Variants in CDKL4 observed in about 807,000 individuals in gnomAD.
CDKL4 encodes cyclin dependent kinase like 4.
A neutral mutation model predicts 42.0 loss-of-function variants in CDKL4; 44 were observed. The ratio of observed to expected loss-of-function variants is 1.05; its 90% confidence interval spans 0.82 to 1.35. The LOEUF is 1.35. Ranked by LOEUF, CDKL4 falls within the 40% of genes most tolerant of loss-of-function variation. The probability of loss-of-function intolerance (pLI) is 0.00; values close to 1 mark genes in which losing one functional copy is unlikely to be tolerated. For synonymous variants in CDKL4, 120 were observed against 121.6 expected (o/e 0.99, Z 0.09); for missense variants, 393 against 369.9 (o/e 1.06, Z -0.51).
downstream of CDKL4, among the ~76,000 whole-genome samples, chr2:39,171,979 G>A (rs1484143920): frequency 6.6e-6 from 1 of 152,192 alleles, no homozygotes; most frequent in Admixed American, 6.5e-5. Flanking sequence ...AGGATTCTAT[G>A]AAGAGTCTGG....
chr2:39,178,902 G>T, intron 9 of CDKL4: 1 of 1,458,598 alleles, frequency 6.9e-7, no homozygotes, highest in Non-Finnish European at 9.0e-7. Context: ...GTTATATTAT[G>T]GGTATACGAT....
At chr2:39,184,724 G>GTA in intron 7 of CDKL4, 77 bp from the exon 8 acceptor site, 1 of 299,162 alleles carries the variant, frequency 3.3e-6, no homozygotes. Context: ...GCGTATGTAT[G>GTA]TGTGTGTGTG....
In CDKL4 at chr2:39,230,318, T is replaced by G. The variant is rs186880117; in HGVS notation, c.-56-730A>C. Among the ~76,000 whole-genome samples the G allele has an allele frequency of 3.2e-4, 48 of 152,360 alleles. No homozygotes were observed. The East Asian group carries it at 7.5e-3, about 24-fold the overall frequency. ...GAGATTGTGCCATTGCACTCCAGCT[T>G]GGGCAACAAGAGTGAAACTCTGTCT... On this transcript the variant is annotated intron_variant, in intron 1 of 9. Transcript: ENST00000451199.
chr2:39,215,308 G>A (rs1677850541), intron 3 of CDKL4, among the ~76,000 whole-genome samples: 1 of 151,762 alleles, frequency 6.6e-6, no homozygotes, highest in South Asian at 2.1e-4. Flanking sequence ...TCCATTTTAT[G>A]CCTTTATTGC....
chr2:39,189,240 A>G (rs763806721), intron 6 of CDKL4, among the ~76,000 whole-genome samples: 8 of 152,174 alleles, frequency 5.3e-5, no homozygotes, highest in Non-Finnish European at 1.0e-4. Context: ...CTTTCTTTGC[A>G]TCCATGCTGT....
chr2:39,198,012 C>T (rs1037899825), intron 5 of CDKL4, among the ~76,000 whole-genome samples: 4 of 152,056 alleles, frequency 2.6e-5, no homozygotes, highest in African/African-American at 7.2e-5. Context: ...ATGTAAATGG[C>T]TTAAATGGTC....
At chr2:39,168,318 T>C in the CDKL4 span, among the ~76,000 whole-genome samples, 2 of 152,230 alleles carry the variant, frequency 1.3e-5, no homozygotes, top group African/African-American at 2.4e-5. Context: ...TTTAGACATA[T>C]GGTCAATGAG....
At chr2:39,245,188 T>G (rs941616312), upstream of CDKL4, among the ~76,000 whole-genome samples, 1 of 152,208 alleles carries the variant, frequency 6.6e-6, no homozygotes, top group Non-Finnish European at 1.5e-5. Flanking sequence ...CTGCTCACTC[T>G]GGGTCCACGC....
chr2:39,192,539 A>ATTTT (rs749845888), intron 5 of CDKL4, among the ~76,000 whole-genome samples: 4 of 150,216 alleles, frequency 2.7e-5, no homozygotes, highest in Admixed American at 6.6e-5. Flanking sequence ...TTAAAAAAAA[A>ATTTT]TTTTTTTTTT....
chr2:39,178,652 T>G, intron 9 of CDKL4: 1 of 1,597,928 alleles, frequency 6.3e-7, no homozygotes, highest in Non-Finnish European at 8.5e-7. Context: ...TCTGCAATAT[T>G]GGCCCATTGG....
intron 4 of CDKL4, among the ~76,000 whole-genome samples, chr2:39,213,083 G>A (rs1677685424): frequency 6.6e-6 from 1 of 151,800 alleles, no homozygotes; most frequent in Admixed American, 6.6e-5. Flanking sequence ...GATTCTTACA[G>A]AAATTGGAAA....
At chr2:39,243,088 T>TG (rs1679740525) in intron 1 of CDKL4, among the ~76,000 whole-genome samples, 1 of 105,176 alleles carries the variant, frequency 9.5e-6, no homozygotes, top group African/African-American at 3.7e-5. Context: ...CCCCCAAGCC[T>TG]GGGGAACAAA....
intron 5 of CDKL4, among the ~76,000 whole-genome samples, chr2:39,195,391 C>T (rs1464283215): frequency 2.0e-5 from 3 of 152,174 alleles, no homozygotes; most frequent in African/African-American, 7.2e-5. Flanking sequence ...CTGCTTTCCA[C>T]AGCAGTTGCA....
chr2:39,223,499 AC>A (rs1200423966), intron 3 of CDKL4, among the ~76,000 whole-genome samples: 1 of 151,222 alleles, frequency 6.6e-6, no homozygotes, highest in Non-Finnish European at 1.5e-5. Context: ...GAGAAATGGT[AC>A]CTTGCTAAAA....
intron 6 of CDKL4, among the ~76,000 whole-genome samples, chr2:39,189,977 A>G (rs1358585352): frequency 6.6e-6 from 1 of 152,218 alleles, no homozygotes; most frequent in African/African-American, 2.4e-5. Flanking sequence ...TTGATCAAAT[A>G]TCTTAGATTA....
upstream of CDKL4, among the ~76,000 whole-genome samples, chr2:39,244,503 G>A (rs377140699): frequency 6.6e-6 from 1 of 152,248 alleles, no homozygotes; most frequent in East Asian, 1.9e-4. Flanking sequence ...GGCCTTAGCT[G>A]CCTTCCTGCG....
At chr2:39,226,347 CCTAACCATCAAATCGGAATAAA>C (rs1354012522) in intron 2 of CDKL4, among the ~76,000 whole-genome samples, 1 of 149,248 alleles carries the variant, frequency 6.7e-6, no homozygotes, top group Non-Finnish European at 1.5e-5. Context: ...AATACTTGTT[CCTAACCATCAAATCGGAATAAA>C]CTGTCTATTC....
chr2:39,226,878 T>C (rs1252767272), intron 2 of CDKL4, among the ~76,000 whole-genome samples: 1 of 152,076 alleles, frequency 6.6e-6, no homozygotes, highest in African/African-American at 2.4e-5. Context: ...GTGATGCTCA[T>C]GCCTTAGCCT....
intron 7 of CDKL4, among the ~76,000 whole-genome samples, chr2:39,185,446 ATATATACATATGTG>A (rs1189235748): frequency 0.013 from 1,332 of 100,356 alleles, 145 homozygotes; most frequent in Admixed American, 0.024. Context: ...ATATACATGT[ATATATACATATGTG>A]TATATATATA....
Sources: gnomAD v4.1 joint callset for allele counts (sites outside exome capture counted in the v4.1 genomes callset) on GRCh38, gnomAD v4.1.1 for gene constraint, MANE v1.5 for transcripts, NCBI Gene and HGNC (gene_info 2026-07-23, HGNC 2026-07-21) for gene names.